The following EPCAM variants were observed in gnomAD, a reference collection of about 807,000 sequenced individuals.
EPCAM encodes the protein epithelial cell adhesion molecule.
In EPCAM, 39 loss-of-function variants were observed where a neutral mutation model predicts 40.0. The observed-to-expected ratio is 0.98, with a 90% CI of 0.76 to 1.27. The LOEUF (loss-of-function observed/expected upper bound fraction) is 1.27, where lower values mean the gene tolerates loss of function less well. Among genes scored for constraint, EPCAM ranks in the 50% most tolerant of loss-of-function variants. EPCAM has a pLI of 0.00. For missense variants in EPCAM, 503 were observed against 381.2 expected (o/e 1.32, Z -2.66); for synonymous variants, 168 against 132.3 (o/e 1.27, Z -1.85).
At chr2:47,380,006 T>C in intron 7 of EPCAM, 37 bp downstream of exon 7, 1 of 1,573,778 alleles carries the variant, frequency 6.4e-7, no homozygotes, top group South Asian at 1.1e-5. Flanking sequence ...TTTAAGGGTA[T>C]ATTTTTTCAA....
chr2:47,378,332 G>A (rs1484889619), intron 5 of EPCAM, among the ~76,000 whole-genome samples: 3 of 129,204 alleles, frequency 2.3e-5, no homozygotes, highest in South Asian at 2.3e-4. Flanking sequence ...ACGGAGTTTC[G>A]CTCTTGTTGC....
At chr2:47,369,690 G>T (rs935639571) in intron 1 of EPCAM, 109 bp downstream of exon 1, 3 of 1,146,378 alleles carry the variant, frequency 2.6e-6, no homozygotes, top group African/African-American at 3.1e-5. Flanking sequence ...CCAAGAGGCC[G>T]CGCTTTCCAG....
At chr2:47,385,687 C>G (rs1283518655) in intron 8 of EPCAM, among the ~76,000 whole-genome samples, 1 of 151,668 alleles carries the variant, frequency 6.6e-6, no homozygotes, top group African/African-American at 2.4e-5. Flanking sequence ...AATATGAACA[C>G]TTATCCTTGA....
At position 47,369,983 on chromosome 2, in the gene EPCAM, AG is replaced by A. The variant is rs1285117103; in HGVS notation, c.76+405del. 5.9e-5 allele frequency among the ~76,000 whole-genome samples: 9 copies of A among 152,314 alleles called. No homozygotes were observed. The East Asian group carries it at 1.4e-3, about 23-fold the overall frequency. ...CAGCCGGTGGCGGAGTCTTTACGAC[AG>A]GGACCAGCGGGCTCGCCCTTGTCCT... On this transcript the variant is annotated intron_variant, in intron 1 of 8. Coordinates refer to ENST00000263735, the MANE Select transcript of EPCAM (RefSeq NM_002354.3).
intron 7 of EPCAM, 50 bp from the exon 8 acceptor site, chr2:47,385,116 C>CT (rs1671708952): frequency 2.1e-6 from 3 of 1,413,230 alleles, no homozygotes; most frequent in South Asian, 1.2e-5. Flanking sequence ...TTTAGATAAT[C>CT]TTTTTTTGAA....
rs1290945059 is a variant in EPCAM at position 47,373,940 on chromosome 2, AG to A, written c.319del (p.Ala107ProfsTer13). 1 of 1,614,126 alleles carries A rather than the reference AG, an allele frequency of 6.2e-7. No homozygotes were observed. Among genetic ancestry groups the A allele is most frequent in the East Asian group, 2.2e-5 (1 of 44,878 alleles). On this transcript the variant is annotated frameshift_variant, in exon 3 of 9. Transcript: ENST00000263735. LOFTEE classifies it high-confidence loss of function. ...GACTGCGATGAGAGCGGGCTCTTTA[AG>A]GCCAAGCAGTGCAACGGCACCTCCA... ...DPDCDESGLF[K>X]AKQCNGTSMC...
chr2:47,382,147 G>C (rs1671610429), intron 7 of EPCAM, among the ~76,000 whole-genome samples: 1 of 151,864 alleles, frequency 6.6e-6, no homozygotes, highest in Non-Finnish European at 1.5e-5. Flanking sequence ...ATAACGATGG[G>C]CATGAAAAAA....
Position 47,383,615 on chromosome 2 carries a change from T to C in EPCAM, c.859-1551T>C, listed in dbSNP as rs1426486625. On this transcript the variant is annotated intron_variant, in intron 7 of 8. Transcript: ENST00000263735. ...ACTGTGCCCGGCTTCTTCTTTTTTTTTTTTTTTTTTTTTTTTTTTTTTTTT... is the reference window on the plus strand; with the variant it reads ...ACTGTGCCCGGCTTCTTCTTTTTTTCTTTTTTTTTTTTTTTTTTTTTTTTT... Among the ~76,000 whole-genome samples the C allele has an allele frequency of 6.0e-3, 245 of 40,774 alleles. 8 individuals carry two copies. The highest frequency in any genetic ancestry group is 0.011 in the African/African-American group (70 of 6,398). The allele number at this position is 40,774 out of a possible 152,430, so 26.7% of individuals were successfully genotyped here. A position where few individuals can be genotyped will look rare whatever the true frequency, so the allele number is the denominator to read the frequency against.
At chr2:47,373,335 A>G in intron 1 of EPCAM, 128 bp from the exon 2 acceptor site, 1 of 693,964 alleles carries the variant, frequency 1.4e-6, no homozygotes, top group South Asian at 1.8e-5. Context: ...AAAATAAAAC[A>G]TTCAGAACCA....
Position 47,373,517 on chromosome 2 carries a change from G to T in EPCAM, c.131G>T (p.Arg44Leu). The T allele has an allele frequency of 2.5e-6, 4 of 1,613,584 alleles. No individual in the cohort carries two copies. Among genetic ancestry groups the T allele is most frequent in the Non-Finnish European group, 3.4e-6 (4 of 1,179,816 alleles). Residue 44 changes from arginine to leucine, a missense_variant, in exon 2 of 9, where the codon CGT becomes CTT. Transcript: ENST00000263735. ...GTAAACTGCTTTGTGAATAATAATC[G>T]TCAATGCCAGTGTACTTCAGTTGGT... ...LAVNCFVNNN[R>L]QCQCTSVGAQ...
rs1457191572 is a variant in EPCAM at position 47,369,459 on chromosome 2, C to T, written c.-47C>T. 7.9e-6 allele frequency: 11 copies of T among 1,385,866 alleles called. No individual in the cohort carries two copies. Among genetic ancestry groups the T allele is most frequent in the Non-Finnish European group, 1.0e-5 (11 of 1,078,710 alleles). 85.8% of individuals were successfully genotyped at this position (1,385,866 alleles called of 1,614,324 possible). ...CCCACTCCCGGCGCACGCCCTCCCG[C>T]GAGTCCCGGGCCCCTCCCGCGCCCC... On this transcript the variant is annotated 5_prime_UTR_variant, in exon 1 of 9. Coordinates refer to ENST00000263735, the MANE Select transcript of EPCAM (RefSeq NM_002354.3).
Position 47,376,929 on chromosome 2 carries a change from T to C in EPCAM, c.492-85T>C, listed in dbSNP as rs1157880268. On this transcript the variant is annotated intron_variant, in intron 4 of 8. Coordinates refer to ENST00000263735, the MANE Select transcript of EPCAM (RefSeq NM_002354.3). ...TAACTTTAATGACAGTTTTAGACCC[T>C]GAGCTGTCTGCTTAAAGAGTAGTGC... is the stretch of plus-strand genomic sequence containing the variant. The C allele has an allele frequency of 5.7e-6, 5 of 884,812 alleles. No individual in the cohort carries two copies. The African/African-American group carries it at 8.3e-5, about 15-fold the overall frequency. 54.8% of individuals were successfully genotyped at this position (884,812 alleles called of 1,614,324 possible). A position where few individuals can be genotyped will look rare whatever the true frequency, so the allele number is the denominator to read the frequency against.
At chr2:47,385,273 C>A (rs1376595627) in intron 8 of EPCAM, 63 bp downstream of exon 8, 2 of 1,285,500 alleles carry the variant, frequency 1.6e-6, no homozygotes, top group African/African-American at 1.5e-5. Flanking sequence ...AATCACTCTA[C>A]CTTCCTACAC....
intron 5 of EPCAM, among the ~76,000 whole-genome samples, 158 bp downstream of exon 5, chr2:47,377,235 T>TTTG (rs1558436976): frequency 5.3e-5 from 8 of 152,216 alleles, no homozygotes; most frequent in African/African-American, 1.9e-4. Context: ...TACTGTTTTT[T>TTTG]TTTGTTTGTT....
At chr2:47,377,787 G>A (rs954088995) in intron 5 of EPCAM, 3 of 464,292 alleles carry the variant, frequency 6.5e-6, no homozygotes, top group South Asian at 1.6e-5. Flanking sequence ...CTGCTTTAAG[G>A]AACTAGTCCT....
chr2:47,370,736 A>G (rs1671239430), intron 1 of EPCAM, among the ~76,000 whole-genome samples: 1 of 150,634 alleles, frequency 6.6e-6, no homozygotes, highest in East Asian at 2.0e-4. Context: ...TATTATTATT[A>G]TTATTATTTT....
chr2:47,379,140 C>A, intron 6 of EPCAM, 86 bp downstream of exon 6: 1 of 815,020 alleles, frequency 1.2e-6, no homozygotes, highest in South Asian at 1.4e-5. Flanking sequence ...ACCTTTTTAT[C>A]CACTTACAGA....
rs1671152170 is a variant in EPCAM, at chr2:47,369,365, C to CT, written c.-140dup. ...ACCTTCGACGCGGTCCGGGGACCCC[C>CT]TCGTCGCTGTCCTCCCGACGCGGAC... On this transcript the variant is annotated 5_prime_UTR_variant, in exon 1 of 9. Transcript: ENST00000263735. 8.3e-7 allele frequency: 1 copy of CT among 1,206,058 alleles called. No homozygotes were observed. The highest frequency in any genetic ancestry group is 2.9e-4 in the Middle Eastern group (1 of 3,476). The allele number at this position is 1,206,058 out of a possible 1,614,324, so 74.7% of individuals were successfully genotyped here.
chr2:47,376,488 A>G (rs1192958528), intron 4 of EPCAM, among the ~76,000 whole-genome samples: 1 of 152,052 alleles, frequency 6.6e-6, no homozygotes, highest in Non-Finnish European at 1.5e-5. Flanking sequence ...TCGAACTCCC[A>G]ACCTCAGGTG....
Sources: allele counts gnomAD v4.1 joint callset (sites outside exome capture counted in the v4.1 genomes callset), GRCh38; gene constraint gnomAD v4.1.1; transcripts MANE v1.5; gene names NCBI Gene and HGNC (gene_info 2026-07-23, HGNC 2026-07-21).